PIANP: variants seen among roughly 807,000 people sequenced by gnomAD.
The protein encoded by PIANP is PILR alpha-associated neural protein.
In PIANP, 14 loss-of-function variants were observed where a neutral mutation model predicts 28.9. That is an observed-to-expected ratio of 0.49 (90% CI 0.32 to 0.76). The LOEUF (loss-of-function observed/expected upper bound fraction) is 0.76, where lower values mean the gene tolerates loss of function less well. Ranked by LOEUF, PIANP falls within the 30% of genes least tolerant of loss-of-function variation. PIANP has a pLI of 0.03. For synonymous variants in PIANP, 149 were observed against 156.6 expected, an observed-to-expected ratio of 0.95 and a Z score of 0.36; for missense variants, 322 against 371.8, an observed-to-expected ratio of 0.87 and a Z score of 1.10.
In PIANP at chr12:6,700,745, G is replaced by GGGGGCGGGCGCCTGGGGCGC. The variant is rs1198782973; in HGVS notation, c.-195_-176dup. 6.6e-6 allele frequency: 1 copy of GGGGGCGGGCGCCTGGGGCGC among 152,004 alleles called. No homozygotes were observed. The highest frequency in any genetic ancestry group is 6.6e-5 in the Admixed American group (1 of 15,160). 9.4% of individuals were successfully genotyped at this position (152,004 alleles called of 1,614,324 possible). The stretch of plus-strand genomic sequence containing the variant: ...CCGCGGCAGGGCGCTGGAGCGGGTG[G>GGGGGCGGGCGCCTGGGGCGC]GGGGCGGGCGCCTGGGGCGCGGGGC... On this transcript the variant is annotated 5_prime_UTR_variant, in exon 1 of 5. Transcript: ENST00000534837. The surrounding 1 kb of genome is among the most constrained non-coding windows in gnomAD (Gnocchi z 5.5).
rs1344425897 is a variant in PIANP at position 6,697,697 on chromosome 12, G to A, written c.113C>T (p.Thr38Ile). Residue 38 changes from threonine (T) to isoleucine (I), a missense_variant, in exon 3 of 5, where the codon ACC (threonine) becomes ATC (isoleucine). By Grantham distance (89) the Thr-to-Ile change is moderately conservative (BLOSUM62 -1). Coordinates refer to ENST00000534837, the MANE Select transcript of PIANP (RefSeq NM_001244014.2). This position sits in a 1 kb window ranked among gnomAD's most constrained non-coding sequence, Gnocchi z 6.9. ...CGGGGGGCGGGCTGGGGCTGGTGGG[G>A]TTCGAGGGGAGGATGAAGAGCCCTG... The part of the protein sequence containing the change: ...PAQGSSSSPR[T>I]PPAPARPPCA... 1.1e-5 allele frequency: 17 copies of A among 1,555,494 alleles called. No homozygotes were observed. Among genetic ancestry groups the A allele is most frequent in the South Asian group, 2.4e-5 (2 of 84,558 alleles).
At chr12:6,699,234 G>A (rs978466364) in intron 1 of PIANP, among the ~76,000 whole-genome samples, 1 of 152,112 alleles carries the variant, frequency 6.6e-6, no homozygotes, top group Admixed American at 6.6e-5. Flanking sequence ...ACAAGAGCGA[G>A]ACTCCGACTC....
Position 6,697,033 on chromosome 12 carries a change from CTTTT to C in PIANP, c.523+250_523+253del, listed in dbSNP as rs1034888635. Reference sequence around the variant, plus strand: ...CAAGCAGGAGGAGACTCTCACTTCTCTTTTTTTGTAAATCATGCTGCACATGCCT... The same window carrying C: ...CAAGCAGGAGGAGACTCTCACTTCTCTTTGTAAATCATGCTGCACATGCCT... On this transcript the variant is annotated intron_variant, in intron 3 of 4. Coordinates refer to ENST00000534837, the MANE Select transcript of PIANP (RefSeq NM_001244014.2). This position sits in a 1 kb window ranked among gnomAD's most constrained non-coding sequence, Gnocchi z 6.9. Among the ~76,000 whole-genome samples, 13 of 152,340 alleles carry C rather than the reference CTTTT, an allele frequency of 8.5e-5. No individual in the cohort carries two copies. The highest frequency in any genetic ancestry group is 2.9e-4 in the African/African-American group (12 of 41,580).
Position 6,695,010 on chromosome 12 carries a change from T to C in PIANP, c.*416A>G, listed in dbSNP as rs1414736864. 2 of 1,553,160 alleles carry C rather than the reference T, an allele frequency of 1.3e-6. No homozygotes were observed. The highest frequency in any genetic ancestry group is 1.7e-6 in the Non-Finnish European group (2 of 1,147,898). On this transcript the variant is annotated 3_prime_UTR_variant, in exon 5 of 5. Transcript: ENST00000534837. The surrounding 1 kb of genome is among the most constrained non-coding windows in gnomAD (Gnocchi z 4.2). ...CTGTGCCGGCCCCTTGGCCTCCTGC[T>C]TGGCTGCACCCCAACATTGGGGGCA...
Position 6,694,137 on chromosome 12 carries a change from CAAAGGGAGGCTGG to C in PIANP, c.*1276_*1288del, listed in dbSNP as rs1592446272. The C allele has an allele frequency of 6.5e-6, 1 of 153,814 alleles. No individual in the cohort carries two copies. Among genetic ancestry groups the C allele is most frequent in the East Asian group, 1.9e-4 (1 of 5,188 alleles). 9.5% of individuals were successfully genotyped at this position (153,814 alleles called of 1,614,324 possible). ...CAGCCTAGGTGGAGTTAGGGAGGCC[CAAAGGGAGGCTGG>C]GAAGGGAGGACTGGCTCAGGGGGCT... On this transcript the variant is annotated 3_prime_UTR_variant, in exon 5 of 5. Coordinates refer to ENST00000534837, the MANE Select transcript of PIANP (RefSeq NM_001244014.2). The surrounding 1 kb of genome is among the most constrained non-coding windows in gnomAD (Gnocchi z 6.1).
chr12:6,695,500 C>A lies in PIANP; in HGVS notation c.757G>T (p.Glu253Ter). 6.5e-7 allele frequency: 1 copy of A among 1,545,378 alleles called. No individual in the cohort carries two copies. The highest frequency in any genetic ancestry group is 8.7e-7 in the Non-Finnish European group (1 of 1,145,828). Residue 253 changes from glutamate to a stop codon, truncating the protein, a stop_gained, in exon 5 of 5, where the codon GAG becomes TAG. Transcript: ENST00000534837. LOFTEE classifies it high-confidence loss of function. The surrounding 1 kb of genome is among the most constrained non-coding windows in gnomAD (Gnocchi z 4.2). ...GDSPTPTPDHEEPRGGPRPGM... is the reference protein window; with the variant it reads ...GDSPTPTPDH ...GGCCGGGGTCCCCCTCGGGGCTCCT[C>A]ATGGTCAGGGGTGGGGGTAGGTGAG... is the stretch of plus-strand genomic sequence containing the variant.
At chr12:6,692,473 G>A (rs1335803318), downstream of PIANP, among the ~76,000 whole-genome samples, 1 of 152,196 alleles carries the variant, frequency 6.6e-6, no homozygotes, top group African/African-American at 2.4e-5. Flanking sequence ...AAAGGTTAAT[G>A]AAGCTTCCTA....
intron 1 of PIANP, among the ~76,000 whole-genome samples, chr12:6,698,895 G>C (rs565498651): frequency 8.5e-5 from 13 of 152,228 alleles, no homozygotes; most frequent in African/African-American, 2.9e-4. Flanking sequence ...GGAGGGGCAG[G>C]CTCCCCAGAG....
At chr12:6,692,751 C>T (rs1413539101), downstream of PIANP, among the ~76,000 whole-genome samples, 1 of 152,204 alleles carries the variant, frequency 6.6e-6, no homozygotes, top group East Asian at 1.9e-4. Flanking sequence ...AATGCACACA[C>T]TGCTCTAATC....
rs149206512 is a variant in PIANP at position 6,699,719 on chromosome 12, G to A, written c.-44+895C>T. The stretch of plus-strand genomic sequence containing the variant: ...GATGGGGAGAAAGGAAGTGGGGAAG[G>A]AGAGAACATAAATGCTTAAGGAAAA... On this transcript the variant is annotated intron_variant, in intron 1 of 4. Coordinates refer to ENST00000534837, the MANE Select transcript of PIANP (RefSeq NM_001244014.2). Among the ~76,000 whole-genome samples the A allele has an allele frequency of 3.1e-3, 468 of 151,884 alleles. 4 individuals are homozygous for A. Among genetic ancestry groups the A allele is most frequent in the Non-Finnish European group, 5.0e-3 (342 of 67,932 alleles).
chr12:6,693,156 TG>T (rs1451347282), downstream of PIANP, among the ~76,000 whole-genome samples: 1 of 152,152 alleles, frequency 6.6e-6, no homozygotes, highest in East Asian at 1.9e-4. Flanking sequence ...GAGAGGTGAC[TG>T]ATCCCAGCTG....
At position 6,697,177 on chromosome 12, in the gene PIANP, G is replaced by A. The variant is rs1315511667; in HGVS notation, c.523+110C>T. 4.2e-6 allele frequency: 6 copies of A among 1,443,658 alleles called. No individual in the cohort carries two copies. The highest frequency in any genetic ancestry group is 5.6e-6 in the Non-Finnish European group (6 of 1,069,734). The allele number at this position is 1,443,658 out of a possible 1,614,324, so 89.4% of individuals were successfully genotyped here. Reference sequence around the variant, plus strand: ...TCTCTGCATCCTGTGCCAGTATAGTGCCTGACACATTTGTTGAAGGAGCTA... The same window carrying A: ...TCTCTGCATCCTGTGCCAGTATAGTACCTGACACATTTGTTGAAGGAGCTA... On this transcript the variant is annotated intron_variant, in intron 3 of 4. Transcript: ENST00000534837. The surrounding 1 kb of genome is among the most constrained non-coding windows in gnomAD (Gnocchi z 6.9).
chr12:6,696,595 C>T lies in PIANP; in HGVS notation c.524-71G>A. 9.0e-7 allele frequency: 1 copy of T among 1,109,026 alleles called. No individual in the cohort carries two copies. Among genetic ancestry groups the T allele is most frequent in the Non-Finnish European group, 1.2e-6 (1 of 801,680 alleles). 68.7% of individuals were successfully genotyped at this position (1,109,026 alleles called of 1,614,324 possible). A position where few individuals can be genotyped will look rare whatever the true frequency, so the allele number is the denominator to read the frequency against. On this transcript the variant is annotated intron_variant, in intron 3 of 4. Coordinates refer to ENST00000534837, the MANE Select transcript of PIANP (RefSeq NM_001244014.2). The surrounding 1 kb of genome is among the most constrained non-coding windows in gnomAD (Gnocchi z 4.0). ...GAGCCAAGAGGGGCTGGGGGCTGGGCTGTGGGCTCTGTCGGCTGGAGTGGC... is the reference window on the plus strand; with the variant it reads ...GAGCCAAGAGGGGCTGGGGGCTGGGTTGTGGGCTCTGTCGGCTGGAGTGGC...
Position 6,694,526 on chromosome 12 carries a change from C to A in PIANP, c.*900G>T, listed in dbSNP as rs1057260878. 6.6e-6 allele frequency: 1 copy of A among 152,596 alleles called. No homozygotes were observed. The highest frequency in any genetic ancestry group is 2.4e-5 in the African/African-American group (1 of 41,434). The allele number at this position is 152,596 out of a possible 1,614,324, so 9.5% of individuals were successfully genotyped here. A position where few individuals can be genotyped will look rare whatever the true frequency, so the allele number is the denominator to read the frequency against. ...CCTCTGGAGCAGCACGCAGGGGCTGCGGAAACGAGGTGGGTGGGTGTTCAT... is the reference window on the plus strand; with the variant it reads ...CCTCTGGAGCAGCACGCAGGGGCTGAGGAAACGAGGTGGGTGGGTGTTCAT... On this transcript the variant is annotated 3_prime_UTR_variant, in exon 5 of 5. Coordinates refer to ENST00000534837, the MANE Select transcript of PIANP (RefSeq NM_001244014.2). This position sits in a 1 kb window ranked among gnomAD's most constrained non-coding sequence, Gnocchi z 6.1.
In PIANP at chr12:6,695,382, A is replaced by T; in HGVS notation, c.*44T>A. 1 of 1,432,204 alleles carries T rather than the reference A, an allele frequency of 7.0e-7. No homozygotes were observed. Among genetic ancestry groups the T allele is most frequent in the Non-Finnish European group, 9.2e-7 (1 of 1,089,786 alleles). The allele number at this position is 1,432,204 out of a possible 1,614,324, so 88.7% of individuals were successfully genotyped here. Reference sequence around the variant, plus strand: ...ACCCCCACCCCAGCTCTGAAGACCTAAGTTGCCTTCCCTCTTTGCCCTCCC... The same window carrying T: ...ACCCCCACCCCAGCTCTGAAGACCTTAGTTGCCTTCCCTCTTTGCCCTCCC... On this transcript the variant is annotated 3_prime_UTR_variant, in exon 5 of 5. Coordinates refer to ENST00000534837, the MANE Select transcript of PIANP (RefSeq NM_001244014.2). The surrounding 1 kb of genome is among the most constrained non-coding windows in gnomAD (Gnocchi z 4.2).
At position 6,700,524 on chromosome 12, in the gene PIANP, T is replaced by TCGGGAGGGG. The variant is rs1960023472; in HGVS notation, c.-44+81_-44+89dup. 3 of 149,688 alleles carry TCGGGAGGGG rather than the reference T, an allele frequency of 2.0e-5. No individual in the cohort carries two copies. The South Asian group carries it at 6.4e-4, about 32-fold the overall frequency. 9.3% of individuals were successfully genotyped at this position (149,688 alleles called of 1,614,324 possible). On this transcript the variant is annotated intron_variant, in intron 1 of 4. Transcript: ENST00000534837. The surrounding 1 kb of genome is among the most constrained non-coding windows in gnomAD (Gnocchi z 5.5). ...GCCTTGTCCCGGGCGAGGGACCGCG[T>TCGGGAGGGG]CGGGAGGGGCAGGAGGCGCAGGGCG... is the stretch of plus-strand genomic sequence containing the variant.
In PIANP at chr12:6,694,873, T is replaced by G; in HGVS notation, c.*553A>C. 1.2e-6 allele frequency: 1 copy of G among 832,854 alleles called. No individual in the cohort carries two copies. Among genetic ancestry groups the G allele is most frequent in the East Asian group, 2.9e-5 (1 of 34,988 alleles). 51.6% of individuals were successfully genotyped at this position (832,854 alleles called of 1,614,324 possible). On this transcript the variant is annotated 3_prime_UTR_variant, in exon 5 of 5. Transcript: ENST00000534837. The surrounding 1 kb of genome is among the most constrained non-coding windows in gnomAD (Gnocchi z 6.1). Reference sequence around the variant, plus strand: ...CCCCACCTGCAGGAGGGCGAGCAGATAGGATTGCCCGTGGGGCTGGGGAGT... The same window carrying G: ...CCCCACCTGCAGGAGGGCGAGCAGAGAGGATTGCCCGTGGGGCTGGGGAGT...
rs1414488675 is a variant in PIANP, at chr12:6,697,678, G to T, written c.132C>A (p.Arg44=). 6.4e-7 allele frequency: 1 copy of T among 1,556,108 alleles called. No homozygotes were observed. Among genetic ancestry groups the T allele is most frequent in the Admixed American group, 2.0e-5 (1 of 50,784 alleles). ...SSPRTPPAPA[R]PPCARGGPSA... ...AGGGGCCTCCCCTGGCACACGGGGG[G>T]CGGGCTGGGGCTGGTGGGGTTCGAG... The change falls in exon 3 of 5, where the codon CGC becomes CGA. Residue 44 remains arginine, a synonymous_variant. Coordinates refer to ENST00000534837, the MANE Select transcript of PIANP (RefSeq NM_001244014.2). The surrounding 1 kb of genome is among the most constrained non-coding windows in gnomAD (Gnocchi z 6.9).
rs1207293330 is a variant in PIANP at position 6,696,036 on chromosome 12, TTCTC to T, written c.606-389_606-386del. ...TGACTTGGACACCTGAGTCTAATGATTCTCTCAGTAAAGTGTGAAGGACTGAGTG... is the reference window on the plus strand; with the variant it reads ...TGACTTGGACACCTGAGTCTAATGATTCAGTAAAGTGTGAAGGACTGAGTG... On this transcript the variant is annotated intron_variant, in intron 4 of 4. Transcript: ENST00000534837. This position sits in a 1 kb window ranked among gnomAD's most constrained non-coding sequence, Gnocchi z 4.0. Among the ~76,000 whole-genome samples the T allele has an allele frequency of 6.6e-6, 1 of 152,168 alleles. No homozygotes were observed. Among genetic ancestry groups the T allele is most frequent in the Non-Finnish European group, 1.5e-5 (1 of 68,034 alleles).
Sources: gnomAD v4.1 joint callset for allele counts (sites outside exome capture counted in the v4.1 genomes callset) on GRCh38, gnomAD v4.1.1 for gene constraint, Gnocchi (gnomAD v3.1) non-coding constraint, MANE v1.5 for transcripts, NCBI Gene and HGNC (gene_info 2026-07-23, HGNC 2026-07-21) for gene names.